MTFMT: variants seen among roughly 807,000 people sequenced by gnomAD.
The protein encoded by MTFMT is mitochondrial methionyl-tRNA formyltransferase, also known as methionyl-tRNA formyltransferase, mitochondrial.
A neutral mutation model predicts 51.8 loss-of-function variants in MTFMT; 47 were observed. That is an observed-to-expected ratio of 0.91 (90% CI 0.72 to 1.16). The LOEUF (loss-of-function observed/expected upper bound fraction) is 1.16. Ranked by LOEUF, MTFMT falls within the 50% of genes most tolerant of loss-of-function variation. MTFMT has a pLI of 0.00. For missense variants in MTFMT, 512 were observed against 482.3 expected (o/e 1.06, Z -0.58); for synonymous variants, 196 against 176.7 (o/e 1.11, Z -0.87).
rs2086363605 is a variant in MTFMT, at chr15:65,020,354, T to G, written c.646-82A>C. ...AGAAACACATTACAATTCAGCACCA[T>G]GAAATAACCTATAACTTTTTTTCTT... On this transcript the variant is annotated intron_variant, in intron 4 of 8. Transcript: ENST00000220058. 3 of 1,128,660 alleles carry G rather than the reference T, an allele frequency of 2.7e-6. No homozygotes were observed. In the African/African-American group the frequency reaches 4.8e-5, roughly 18 times the overall value. 69.9% of individuals were successfully genotyped at this position (1,128,660 alleles called of 1,614,324 possible). A position where few individuals can be genotyped will look rare whatever the true frequency, so the allele number is the denominator to read the frequency against.
chr15:65,013,942 C>CAA lies in MTFMT; in HGVS notation c.813+2492_813+2493dup, dbSNP rs535975977. 2.5e-3 allele frequency among the ~76,000 whole-genome samples: 327 copies of CAA among 129,618 alleles called. 2 individuals are homozygous for CAA. The highest frequency in any genetic ancestry group is 7.4e-3 in the African/African-American group (274 of 37,066). The allele number at this position is 129,618 out of a possible 152,430, so 85.0% of individuals were successfully genotyped here. A position where few individuals can be genotyped will look rare whatever the true frequency, so the allele number is the denominator to read the frequency against. Reference sequence around the variant, plus strand: ...TAGGCGACAGGGCGAGACACCATCTCAAAAAAAAAAAACAAAAAACAAAAA... The same window carrying CAA: ...TAGGCGACAGGGCGAGACACCATCTCAAAAAAAAAAAAAACAAAAAACAAAAA... On this transcript the variant is annotated intron_variant, in intron 6 of 8. Transcript: ENST00000220058.
At chr15:65,005,989 TA>T (rs2086216847) in intron 7 of MTFMT, 123 bp downstream of exon 7, 2 of 601,380 alleles carry the variant, frequency 3.3e-6, no homozygotes, top group Non-Finnish European at 5.8e-6. Context: ...TAAAGTATTA[TA>T]ATTACTGAAC....
At position 65,027,023 on chromosome 15, in the gene MTFMT, T is replaced by C. The variant is rs770338758; in HGVS notation, c.227A>G (p.Glu76Gly). 293 of 1,613,540 alleles carry C rather than the reference T, an allele frequency of 1.8e-4. No individual in the cohort carries two copies. Among genetic ancestry groups the C allele is most frequent in the Non-Finnish European group, 2.4e-4 (286 of 1,179,694 alleles). ...GACCACCTCCAGTTTGTCGATTAAC[T>C]CTTCTTCTTTGTTTTCCCTAAATTA... ...LHAARENKEE[E>G]LIDKLEVVTM... is the part of the protein sequence containing the mutation. Residue 76 changes from glutamate (E) to glycine (G), a missense_variant, in exon 2 of 9, where the codon GAG becomes GGG. Transcript: ENST00000220058.
chr15:65,023,224 A>G (rs1035190860), intron 3 of MTFMT, among the ~76,000 whole-genome samples: 22 of 152,312 alleles, frequency 1.4e-4, no homozygotes, highest in African/African-American at 5.1e-4. Flanking sequence ...GTTCTAAACT[A>G]TAGGTATGAC....
In MTFMT at chr15:65,029,424, G is replaced by A; in HGVS notation, c.190C>T (p.Arg64Trp). 2 of 1,502,032 alleles carry A rather than the reference G, an allele frequency of 1.3e-6. No individual in the cohort carries two copies. The highest frequency in any genetic ancestry group is 2.8e-5 in the East Asian group (1 of 35,912). 93.0% of individuals were successfully genotyped at this position (1,502,032 alleles called of 1,614,324 possible). A position where few individuals can be genotyped will look rare whatever the true frequency, so the allele number is the denominator to read the frequency against. ...GGGTACCTGGCGGCGTGCAGCGCCC[G>A]CAGCGCCTCGCGGGCGAACTGGTCC... Reference protein sequence around the residue: ...GTDQFAREALRALHAARENKE... With the variant: ...GTDQFAREALWALHAARENKE... Residue 64 changes from arginine to tryptophan, a missense_variant, in exon 1 of 9, where the codon CGG becomes TGG. Coordinates refer to ENST00000220058, the MANE Select transcript of MTFMT (RefSeq NM_139242.4).
In MTFMT at chr15:65,002,532, T is replaced by G. The variant is rs2086184574; in HGVS notation, c.*530A>C. 2 of 152,324 alleles carry G rather than the reference T, an allele frequency of 1.3e-5. No individual in the cohort carries two copies. The highest frequency in any genetic ancestry group is 4.8e-5 in the African/African-American group (2 of 41,560). The allele number at this position is 152,324 out of a possible 1,614,324, so 9.4% of individuals were successfully genotyped here. ...GAGTTTCGTATCATAAATACAAGTTTTATTTAAACTTTTTTGTAATTCAAG... is the reference window on the plus strand; with the variant it reads ...GAGTTTCGTATCATAAATACAAGTTGTATTTAAACTTTTTTGTAATTCAAG... On this transcript the variant is annotated 3_prime_UTR_variant, in exon 9 of 9. Coordinates refer to ENST00000220058, the MANE Select transcript of MTFMT (RefSeq NM_139242.4).
At position 65,028,980 on chromosome 15, in the gene MTFMT, G is replaced by A. The variant is rs187249599; in HGVS notation, c.209+425C>T. 2.3e-3 allele frequency among the ~76,000 whole-genome samples: 344 copies of A among 152,264 alleles called. 2 individuals are homozygous for A. The highest frequency in any genetic ancestry group is 7.8e-3 in the African/African-American group (323 of 41,556). On this transcript the variant is annotated intron_variant, in intron 1 of 8. Coordinates refer to ENST00000220058, the MANE Select transcript of MTFMT (RefSeq NM_139242.4). ...GGGGTCAGGAGGAACTGCAAAGCAG[G>A]GAACTTTGAAGTGGGACCTGGTTTT...
intron 8 of MTFMT, among the ~76,000 whole-genome samples, chr15:65,004,631 T>C (rs1247575044): frequency 2.6e-5 from 4 of 152,196 alleles, no homozygotes; most frequent in African/African-American, 4.8e-5. Flanking sequence ...AGCACTCAAG[T>C]TACTGAATCT....
intron 2 of MTFMT, among the ~76,000 whole-genome samples, chr15:65,024,116 C>T (rs376357133): frequency 2.0e-5 from 3 of 151,940 alleles, no homozygotes; most frequent in Non-Finnish European, 2.9e-5. Flanking sequence ...CACTTGAGAT[C>T]GGGAGTTTGA....
chr15:65,003,140 T>A lies in MTFMT; in HGVS notation c.1092A>T (p.Gln364His), dbSNP rs4586374. The A allele has an allele frequency of 7.4e-6, 12 of 1,613,642 alleles. No homozygotes were observed. Among genetic ancestry groups the A allele is most frequent in the Non-Finnish European group, 7.6e-6 (9 of 1,179,764 alleles). ...YQKNSQAQPS[Q>H]CRFQTLRLPT... is the part of the protein sequence containing the mutation. ...GAAGTCTGAGAGTCTGAAATCTGCA[T>A]TGGCTTGGTTGAGCTTGGGAATTTT... The change falls in exon 9 of 9, where the codon CAA becomes CAT. Residue 364 changes from glutamine to histidine, a missense_variant. Transcript: ENST00000220058.
rs2086359700 is a variant in MTFMT, at chr15:65,020,149, A to T, written c.721+48T>A. 1.9e-6 allele frequency: 3 copies of T among 1,539,704 alleles called. No individual in the cohort carries two copies. The African/African-American group carries it at 4.2e-5, about 21-fold the overall frequency. ...GTCAGAATGTTCAGATGCTATCGTG[A>T]CAAGCAGAACCTTTAGAAAGATGAG... On this transcript the variant is annotated intron_variant, in intron 5 of 8. Coordinates refer to ENST00000220058, the MANE Select transcript of MTFMT (RefSeq NM_139242.4).
intron 7 of MTFMT, among the ~76,000 whole-genome samples, chr15:65,005,340 T>C (rs1313960544): frequency 6.6e-6 from 1 of 152,176 alleles, no homozygotes; most frequent in Non-Finnish European, 1.5e-5. Context: ...TACCTCTAAA[T>C]TAAACCAGCT....
At chr15:65,003,845 C>CAAAAAAAAAAAAAAAAAAAAAAAAA (rs768884218) in intron 8 of MTFMT, among the ~76,000 whole-genome samples, 1 of 40,646 alleles carries the variant, frequency 2.5e-5, no homozygotes, top group Non-Finnish European at 4.5e-5. Flanking sequence ...AACTCCATCT[C>CAAAAAAAAAAAAAAAAAAAAAAAAA]AAAAAAAAAA....
chr15:65,026,933 G>A lies in MTFMT; in HGVS notation c.317C>T (p.Pro106Leu). ...VKQYAVQSQL[P>L]VYEWPDVGSG... Reference sequence around the variant, plus strand: ...TCCCACATCCGGCCACTCATATACGGGAAGCTGAGACTGCACAGCATATTG... The same window carrying A: ...TCCCACATCCGGCCACTCATATACGAGAAGCTGAGACTGCACAGCATATTG... Residue 106 changes from proline to leucine, a missense_variant, in exon 2 of 9, where the codon CCC (proline) becomes CTC (leucine). Pro to Leu is a moderately conservative substitution (Grantham distance 98). Coordinates refer to ENST00000220058, the MANE Select transcript of MTFMT (RefSeq NM_139242.4). 1.9e-6 allele frequency: 3 copies of A among 1,613,922 alleles called. No homozygotes were observed. Among genetic ancestry groups the A allele is most frequent in the Non-Finnish European group, 2.5e-6 (3 of 1,179,884 alleles).
At chr15:65,007,530 T>A (rs2086228426) in intron 6 of MTFMT, among the ~76,000 whole-genome samples, 1 of 152,246 alleles carries the variant, frequency 6.6e-6, no homozygotes, top group African/African-American at 2.4e-5. Context: ...AATAACCTTG[T>A]CGATATATCT....
intron 8 of MTFMT, among the ~76,000 whole-genome samples, chr15:65,003,530 C>A (rs1347366457): frequency 2.0e-5 from 3 of 151,978 alleles, no homozygotes; most frequent in Non-Finnish European, 4.4e-5. Flanking sequence ...TATTTAAATA[C>A]AAAGGGAGCA....
At chr15:65,017,127 G>A (rs2086330813) in intron 5 of MTFMT, among the ~76,000 whole-genome samples, 2 of 149,404 alleles carry the variant, frequency 1.3e-5, no homozygotes, top group Admixed American at 1.3e-4. Context: ...AATGCCATAA[G>A]TTAAATCAAA....
intron 6 of MTFMT, among the ~76,000 whole-genome samples, chr15:65,009,146 A>G (rs72744630): frequency 0.028 from 4,201 of 152,256 alleles, 106 homozygotes; most frequent in South Asian, 0.13. Context: ...CCTTCCTCTC[A>G]TTAGTAAAGG....
chr15:65,013,039 A>C (rs1249271974), intron 6 of MTFMT, among the ~76,000 whole-genome samples: 1 of 152,082 alleles, frequency 6.6e-6, no homozygotes, highest in East Asian at 1.9e-4. Context: ...TAGCTCTAAT[A>C]GTTTTTTTTG....
Sources: allele counts gnomAD v4.1 joint callset (sites outside exome capture counted in the v4.1 genomes callset), GRCh38; gene constraint gnomAD v4.1.1; transcripts MANE v1.5; gene names NCBI Gene and HGNC (gene_info 2026-07-23, HGNC 2026-07-21).